SDR16C5: variants seen among roughly 807,000 people sequenced by gnomAD.
The protein encoded by SDR16C5 is short chain dehydrogenase/reductase family 16C member 5.
SDR16C5 carries 20 observed loss-of-function variants against 27.7 expected under a neutral mutation model. That is an observed-to-expected ratio of 0.72 (90% CI 0.51 to 1.05). The LOEUF (loss-of-function observed/expected upper bound fraction) is 1.05. Ranked by LOEUF, SDR16C5 falls within the 50% of genes least tolerant of loss-of-function variation. The pLI, the probability that SDR16C5 is intolerant of heterozygous loss-of-function variation, is 0.00. For missense variants in SDR16C5, 374 were observed against 366.3 expected (o/e 1.02, Z -0.17); for synonymous variants, 139 against 132.3 (o/e 1.05, Z -0.35).
At chr8:56,318,466 C>T (rs1018981144) in intron 1 of SDR16C5, among the ~76,000 whole-genome samples, 13 of 152,194 alleles carry the variant, frequency 8.5e-5, no homozygotes, top group African/African-American at 3.1e-4. Context: ...AGACTGTGCA[C>T]ACAGTAATGG....
At chr8:56,303,968 A>C in intron 6 of SDR16C5, 2 of 702,968 alleles carry the variant, frequency 2.8e-6, no homozygotes, top group Non-Finnish European at 5.2e-6. Flanking sequence ...TCAGAGTCAC[A>C]GACTTAGTGA....
At chr8:56,315,562 G>T (rs1395546852) in intron 2 of SDR16C5, among the ~76,000 whole-genome samples, 1 of 152,118 alleles carries the variant, frequency 6.6e-6, no homozygotes. Context: ...CGCTGGACAG[G>T]TTATTTAATG....
rs751503554 is a variant in SDR16C5, at chr8:56,316,171, C to T, written c.177G>A (p.Gln59=). 4 of 1,614,100 alleles carry T rather than the reference C, an allele frequency of 2.5e-6. No individual in the cohort carries two copies. The highest frequency in any genetic ancestry group is 2.5e-6 in the Non-Finnish European group (3 of 1,179,930). ...CAAGAACAGATCCCAGCCGGGCAAA[C>T]TGCAAGGCTAAGAGCCTTCCGAGTC... ...GSGLGRLLAL[Q]FARLGSVLVL... Residue 59 remains glutamine (Q), a synonymous_variant, in exon 2 of 7, where the codon CAG becomes CAA. Transcript: ENST00000303749.
At chr8:56,309,067 A>G in intron 3 of SDR16C5, 40 bp from the exon 4 acceptor site, 1 of 1,419,826 alleles carries the variant, frequency 7.0e-7, no homozygotes, top group South Asian at 1.3e-5. Flanking sequence ...TTAATGCCAC[A>G]TTGTATAATT....
intron 6 of SDR16C5, among the ~76,000 whole-genome samples, chr8:56,301,936 C>T (rs1282342007): frequency 1.3e-5 from 2 of 152,136 alleles, no homozygotes; most frequent in Admixed American, 6.5e-5. Flanking sequence ...TTTGCAGTGC[C>T]GCCTTAGGCA....
chr8:56,312,647 G>A (rs763753312), intron 2 of SDR16C5, among the ~76,000 whole-genome samples: 3 of 152,044 alleles, frequency 2.0e-5, no homozygotes, highest in Non-Finnish European at 2.9e-5. Flanking sequence ...GGAGGTTGTA[G>A]TGAGCCAAGA....
chr8:56,306,974 C>G (rs1479249345), intron 4 of SDR16C5, among the ~76,000 whole-genome samples, 154 bp from the exon 5 acceptor site: 1 of 152,168 alleles, frequency 6.6e-6, no homozygotes, highest in East Asian at 1.9e-4. Context: ...AAGAAGTGAG[C>G]AGGGAGTGGG....
intron 4 of SDR16C5, 91 bp from the exon 5 acceptor site, chr8:56,306,911 A>G: frequency 8.9e-7 from 1 of 1,124,244 alleles, no homozygotes; most frequent in Non-Finnish European, 1.2e-6. Context: ...GCGACAGAAA[A>G]TAAGACAATT....
chr8:56,309,261 T>A (rs532147476), intron 3 of SDR16C5: 1 of 938,050 alleles, frequency 1.1e-6, no homozygotes, highest in East Asian at 1.2e-4. Flanking sequence ...TTCAGACTTA[T>A]GTTTTTGCTC....
Position 56,306,733 on chromosome 8 carries a change from GT to G in SDR16C5, c.652del (p.Thr218ProfsTer9). The G allele has an allele frequency of 6.2e-7, 1 of 1,613,818 alleles. No homozygotes were observed. The highest frequency in any genetic ancestry group is 8.5e-7 in the Non-Finnish European group (1 of 1,179,918). ...TATAAAAAAGGGGCACACAATCGTG[GT>G]TTTGATCCCCTTTTGTTTTTGGACA... ...TFVQKQKGIK[T>X]TIVCPFFIKT... On this transcript the variant is annotated frameshift_variant, in exon 5 of 7. Coordinates refer to ENST00000303749, the MANE Select transcript of SDR16C5 (RefSeq NM_138969.4). LOFTEE classifies it high-confidence loss of function.
chr8:56,317,132 C>T (rs989022493), intron 1 of SDR16C5, among the ~76,000 whole-genome samples: 3 of 152,048 alleles, frequency 2.0e-5, no homozygotes, highest in Non-Finnish European at 2.9e-5. Flanking sequence ...TACACTGGGC[C>T]TTGGTCTCTT....
intron 2 of SDR16C5, among the ~76,000 whole-genome samples, chr8:56,314,072 T>C (rs1238872324): frequency 6.6e-6 from 1 of 152,122 alleles, no homozygotes; most frequent in Non-Finnish European, 1.5e-5. Flanking sequence ...CTGGGCGTGG[T>C]AGCGTGCACC....
chr8:56,314,381 G>C (rs1300961448), intron 2 of SDR16C5, among the ~76,000 whole-genome samples: 3 of 152,118 alleles, frequency 2.0e-5, no homozygotes, highest in Non-Finnish European at 4.4e-5. Flanking sequence ...TGACATGTTT[G>C]GCTGTTTCTG....
chr8:56,309,115 C>CT (rs149849328), intron 3 of SDR16C5, 88 bp from the exon 4 acceptor site: 1,546 of 1,036,800 alleles, frequency 1.5e-3, no homozygotes, highest in South Asian at 2.3e-3. Flanking sequence ...ATTAAAAAAT[C>CT]TTTTTTTTTC....
chr8:56,315,982 A>G lies in SDR16C5; in HGVS notation c.333+33T>C, dbSNP rs367856902. The stretch of plus-strand genomic sequence containing the variant: ...GCAAGTGAAAAAGAGTGTGATGTGT[A>G]TCAAATTATAATAGTAAACACACAA... On this transcript the variant is annotated intron_variant, in intron 2 of 6. Transcript: ENST00000303749. 1.4e-5 allele frequency: 20 copies of G among 1,443,366 alleles called. No homozygotes were observed. The Admixed American group carries it at 3.3e-4, about 24-fold the overall frequency. The allele number at this position is 1,443,366 out of a possible 1,614,324, so 89.4% of individuals were successfully genotyped here. A position where few individuals can be genotyped will look rare whatever the true frequency, so the allele number is the denominator to read the frequency against.
chr8:56,311,701 C>A (rs962576509), intron 3 of SDR16C5, among the ~76,000 whole-genome samples: 3 of 152,178 alleles, frequency 2.0e-5, no homozygotes, highest in Non-Finnish European at 4.4e-5. Context: ...CCATAACAGA[C>A]CTGATTAACA....
chr8:56,311,844 C>G, intron 3 of SDR16C5, among the ~76,000 whole-genome samples: 1 of 152,194 alleles, frequency 6.6e-6, no homozygotes, highest in Non-Finnish European at 1.5e-5. Context: ...GTTCTATGAT[C>G]CCTTATCTCA....
chr8:56,316,239 T>G lies in SDR16C5; in HGVS notation c.109A>C (p.Asn37His). 1.2e-6 allele frequency: 2 copies of G among 1,614,004 alleles called. No individual in the cohort carries two copies. Among genetic ancestry groups the G allele is most frequent in the Non-Finnish European group, 1.7e-6 (2 of 1,179,860 alleles). Residue 37 changes from asparagine (N) to histidine (H), a missense_variant, in exon 2 of 7, where the codon AAC (asparagine) becomes CAC (histidine). Transcript: ENST00000303749. ...ATGAGGACTATTTCACCAGCAACGT[T>G]CTTCCGTGGCTTTGGGAGTAAGGCA... ...IFALLPKPRK[N>H]VAGEIVLITG... is the part of the protein sequence containing the mutation.
intron 6 of SDR16C5, among the ~76,000 whole-genome samples, chr8:56,302,668 ATCTC>A (rs1814787248): frequency 6.8e-6 from 1 of 147,162 alleles, no homozygotes. Context: ...GCAAGAGTCC[ATCTC>A]AAAAAAAAAA....
Sources: allele counts gnomAD v4.1 joint callset (sites outside exome capture counted in the v4.1 genomes callset), GRCh38; gene constraint gnomAD v4.1.1; transcripts MANE v1.5; gene names NCBI Gene and HGNC (gene_info 2026-07-23, HGNC 2026-07-21).